Variants in SLC35F4 observed in about 807,000 individuals in gnomAD.
SLC35F4 encodes solute carrier family 35 member F4, also known as chromosome 14 open reading frame 36.
SLC35F4 carries 24 observed loss-of-function variants against 44.2 expected under a neutral mutation model. That is an observed-to-expected ratio of 0.54 (90% CI 0.39 to 0.76). The LOEUF is 0.76. Ranked by LOEUF, SLC35F4 falls within the 30% of genes least tolerant of loss-of-function variation. SLC35F4 has a pLI of 0.00. For synonymous variants in SLC35F4, 238 were observed against 223.6 expected (o/e 1.06, Z -0.57); for missense variants, 562 against 586.1 (o/e 0.96, Z 0.42).
At chr14:57,881,899 T>C (rs934183199) in intron 1 of SLC35F4, among the ~76,000 whole-genome samples, 1 of 152,192 alleles carries the variant, frequency 6.6e-6, no homozygotes, top group African/African-American at 2.4e-5. Flanking sequence ...TCTTCCTTAT[T>C]TCCACGCCTC....
At chr14:57,918,096 A>G (rs1889365333) in intron 1 of SLC35F4, among the ~76,000 whole-genome samples, 1 of 152,228 alleles carries the variant, frequency 6.6e-6, no homozygotes, top group Non-Finnish European at 1.5e-5. Flanking sequence ...GGCCTTGTTA[A>G]GAAGAACAGA....
intron 1 of SLC35F4, among the ~76,000 whole-genome samples, chr14:57,712,070 T>C (rs1484172178): frequency 1.3e-5 from 2 of 152,228 alleles, no homozygotes; most frequent in Non-Finnish European, 2.9e-5. Flanking sequence ...TTATTGTCAA[T>C]TGTCTCTACT....
chr14:57,888,881 T>G (rs1463089154), intron 1 of SLC35F4, among the ~76,000 whole-genome samples: 2 of 152,204 alleles, frequency 1.3e-5, no homozygotes, highest in Non-Finnish European at 2.9e-5. Context: ...TATGACATAT[T>G]GAAAATATAC....
At chr14:57,620,131 CAGG>C (rs1387687319) in intron 1 of SLC35F4, among the ~76,000 whole-genome samples, 11 of 152,068 alleles carry the variant, frequency 7.2e-5, no homozygotes, top group Non-Finnish European at 1.5e-4. Flanking sequence ...GGATATTTTC[CAGG>C]AGAACTTCCC....
At chr14:57,693,870 T>A (rs1053286022) in intron 1 of SLC35F4, among the ~76,000 whole-genome samples, 11 of 152,082 alleles carry the variant, frequency 7.2e-5, no homozygotes. Context: ...AGATCCCCAA[T>A]CAGAATTTGA....
chr14:57,867,329 A>G (rs1323454892), upstream of SLC35F4, among the ~76,000 whole-genome samples: 5 of 152,198 alleles, frequency 3.3e-5, no homozygotes, highest in Non-Finnish European at 7.3e-5. Flanking sequence ...GCATATGAAA[A>G]CGCAATATTA....
At chr14:57,906,004 T>C (rs1236949395) in intron 1 of SLC35F4, among the ~76,000 whole-genome samples, 2 of 152,184 alleles carry the variant, frequency 1.3e-5, no homozygotes, top group African/African-American at 2.4e-5. Context: ...CCGCACAGCA[T>C]GAGGGCAGGA....
chr14:57,569,849 G>C lies in SLC35F4; in HGVS notation c.1065C>G (p.His355Gln). Residue 355 changes from histidine (H) to glutamine (Q), a missense_variant, in exon 6 of 8, where the codon CAC (histidine) becomes CAG (glutamine). By Grantham distance (24) the His-to-Gln change is conservative. Transcript: ENST00000556826. ...PVILYFTKVE[H>Q]WSSFAALPWG... ...ATGGCAGAGCAGCAAAAGAGGACCA[G>C]TGCTCCACCTTGGTGAAATACAAGA... The C allele has an allele frequency of 6.2e-7, 1 of 1,611,918 alleles. No homozygotes were observed. Among genetic ancestry groups the C allele is most frequent in the Non-Finnish European group, 8.5e-7 (1 of 1,179,120 alleles).
intron 1 of SLC35F4, among the ~76,000 whole-genome samples, chr14:57,977,182 A>T (rs1408646256): frequency 6.6e-6 from 1 of 152,088 alleles, no homozygotes; most frequent in Admixed American, 6.6e-5. Flanking sequence ...TGCTTAGGGG[A>T]ATTTTTTTTG....
At chr14:57,721,251 G>A (rs2076080000) in intron 1 of SLC35F4, among the ~76,000 whole-genome samples, 4 of 151,820 alleles carry the variant, frequency 2.6e-5, no homozygotes, top group Admixed American at 2.6e-4. Flanking sequence ...TGCTTGGCAT[G>A]AACTGTTTAG....
At position 57,774,579 on chromosome 14, in the gene SLC35F4, C is replaced by T. The variant is rs113364691; in HGVS notation, c.103+91144G>A. Among the ~76,000 whole-genome samples, 76 of 152,294 alleles carry T rather than the reference C, an allele frequency of 5.0e-4. 1 individual carries two copies. The highest frequency in any genetic ancestry group is 1.6e-3 in the African/African-American group (65 of 41,566). On this transcript the variant is annotated intron_variant, in intron 1 of 7. Coordinates refer to ENST00000556826, the MANE Select transcript of SLC35F4 (RefSeq NM_001306087.2). ...TGCGAGGTAGTCTTGCCCATGAGAC[C>T]GGGCAGTCCAATCTGAGAACCCCAT...
intron 1 of SLC35F4, among the ~76,000 whole-genome samples, chr14:57,885,752 G>A (rs985361469): frequency 2.0e-5 from 3 of 152,148 alleles, no homozygotes; most frequent in Non-Finnish European, 2.9e-5. Flanking sequence ...ATCAGAAAGC[G>A]CTGGTGTAGA....
intron 1 of SLC35F4, among the ~76,000 whole-genome samples, chr14:57,888,484 G>T (rs190864190): frequency 1.1e-3 from 175 of 152,284 alleles, no homozygotes; most frequent in African/African-American, 3.9e-3. Context: ...ACAATATGCT[G>T]CACTTCACAC....
At chr14:57,906,678 G>T (rs1238363148) in intron 1 of SLC35F4, among the ~76,000 whole-genome samples, 3 of 152,148 alleles carry the variant, frequency 2.0e-5, no homozygotes, top group East Asian at 1.9e-4. Flanking sequence ...TTGCATGCAG[G>T]TATCTTACAT....
intron 3 of SLC35F4, among the ~76,000 whole-genome samples, chr14:57,583,851 G>A (rs1356640899): frequency 1.6e-4 from 24 of 152,122 alleles, no homozygotes; most frequent in Admixed American, 1.3e-3. Context: ...GGATTTTTAT[G>A]GAGAAGCGAA....
chr14:57,942,440 T>C (rs886601599), intron 1 of SLC35F4, among the ~76,000 whole-genome samples: 2 of 152,216 alleles, frequency 1.3e-5, no homozygotes, highest in Non-Finnish European at 2.9e-5. Flanking sequence ...TTATTGCCCA[T>C]CCTAACTGTA....
At chr14:57,873,107 G>GTTAAATATT (rs1481700175) in intron 1 of SLC35F4, among the ~76,000 whole-genome samples, 3 of 152,104 alleles carry the variant, frequency 2.0e-5, no homozygotes, top group Non-Finnish European at 2.9e-5. Context: ...TAAACCTCAA[G>GTTAAATATT]TTAAATATTT....
intron 1 of SLC35F4, among the ~76,000 whole-genome samples, chr14:57,774,890 AT>A (rs2077450994): frequency 6.6e-6 from 1 of 152,162 alleles, no homozygotes; most frequent in Admixed American, 6.5e-5. Flanking sequence ...ACGTTTGTGC[AT>A]GTGCACCACG....
chr14:57,731,810 C>T (rs73289928), intron 1 of SLC35F4, among the ~76,000 whole-genome samples: 2,713 of 152,258 alleles, frequency 0.018, 78 homozygotes, highest in African/African-American at 0.059. Flanking sequence ...AAACTAGACA[C>T]ATTAAAGGTA....
Sources: allele counts gnomAD v4.1 joint callset (sites outside exome capture counted in the v4.1 genomes callset), GRCh38; gene constraint gnomAD v4.1.1; transcripts MANE v1.5; gene names NCBI Gene and HGNC (gene_info 2026-07-23, HGNC 2026-07-21).